The following SLC35A3 variants were observed in gnomAD, a reference collection of about 807,000 sequenced individuals.
SLC35A3 encodes UDP-N-acetylglucosamine transporter.
Under a neutral mutation model 39.0 loss-of-function variants are expected in SLC35A3, and 26 were observed. That is an observed-to-expected ratio of 0.67 (90% CI 0.49 to 0.92). The LOEUF is 0.92. Among genes scored for constraint, SLC35A3 ranks in the 40% least tolerant of loss-of-function variants. The probability of loss-of-function intolerance (pLI) is 0.00; values close to 1 mark genes in which losing one functional copy is unlikely to be tolerated. For synonymous variants in SLC35A3, 135 were observed against 133.1 expected, an observed-to-expected ratio of 1.01 and a Z score of -0.10; for missense variants, 299 against 371.6, an observed-to-expected ratio of 0.80 and a Z score of 1.61.
At chr1:99,984,983 T>G (rs1468716227) in intron 1 of SLC35A3, among the ~76,000 whole-genome samples, 1 of 152,182 alleles carries the variant, frequency 6.6e-6, no homozygotes, top group Non-Finnish European at 1.5e-5. Context: ...TTCTGGATAT[T>G]AGTTGTTTGT....
intron 1 of SLC35A3, among the ~76,000 whole-genome samples, chr1:99,988,586 T>G (rs1657884894): frequency 6.6e-6 from 1 of 151,998 alleles, no homozygotes; most frequent in Non-Finnish European, 1.5e-5. Context: ...ATGTTATTGT[T>G]TTCTTCCTTC....
At chr1:99,998,499 C>A (rs1658552521) in intron 2 of SLC35A3, among the ~76,000 whole-genome samples, 1 of 152,162 alleles carries the variant, frequency 6.6e-6, no homozygotes, top group Non-Finnish European at 1.5e-5. Context: ...CTTCTAGCAT[C>A]CACCTTCCCA....
At chr1:100,016,705 G>A (rs1410801189) in intron 6 of SLC35A3, among the ~76,000 whole-genome samples, 2 of 152,122 alleles carry the variant, frequency 1.3e-5, no homozygotes, top group African/African-American at 4.8e-5. Flanking sequence ...AGCAGAAAAG[G>A]AAACAAAGAT....
Position 100,022,389 on chromosome 1 carries a change from C to CT in SLC35A3, c.896dup (p.Leu300ProfsTer16). On this transcript the variant is annotated frameshift_variant, in exon 8 of 8. Coordinates refer to ENST00000533028, the MANE Select transcript of SLC35A3 (RefSeq NM_012243.3). LOFTEE classifies it high-confidence loss of function. ...ATTTTGTCTTCATCTTATTCAGTGTCTTTTTCCTTGGAGCCATCCTTGTAA... is the reference window on the plus strand; with the variant it reads ...ATTTTGTCTTCATCTTATTCAGTGTCTTTTTTCCTTGGAGCCATCCTTGTAA... 1 of 1,557,830 alleles carries CT rather than the reference C, an allele frequency of 6.4e-7. No homozygotes were observed. Among genetic ancestry groups the CT allele is most frequent in the Non-Finnish European group, 8.8e-7 (1 of 1,133,668 alleles).
chr1:99,997,410 T>TTATATATATATATATATATATATA (rs71970416), intron 2 of SLC35A3, among the ~76,000 whole-genome samples: 1 of 92,100 alleles, frequency 1.1e-5, no homozygotes, highest in African/African-American at 5.4e-5. Context: ...ATATATAGTT[T>TTATATATATATATATATATATATA]TATATATATA....
intron 3 of SLC35A3, among the ~76,000 whole-genome samples, chr1:100,005,979 G>A (rs1408758903): frequency 1.3e-5 from 2 of 152,150 alleles, no homozygotes; most frequent in African/African-American, 4.8e-5. Context: ...TTCCAGTTTT[G>A]TAGATAGCTT....
intron 1 of SLC35A3, among the ~76,000 whole-genome samples, chr1:99,976,979 A>G (rs902812883): frequency 1.4e-4 from 21 of 151,620 alleles, no homozygotes; most frequent in South Asian, 4.2e-4. Context: ...AAAGTTGGGG[A>G]AAAAAAAAGA....
intron 1 of SLC35A3, among the ~76,000 whole-genome samples, chr1:99,971,630 C>A (rs1656818877): frequency 6.6e-6 from 1 of 152,024 alleles, no homozygotes; most frequent in African/African-American, 2.4e-5. Flanking sequence ...TTTCTTTTTT[C>A]CTTTTATTAA....
rs143297934 is a variant in SLC35A3, at chr1:100,011,683, ATTATTTATTTATTTAT to A, written c.634+189_634+204del. ...ATGCTCTTGTCTTTTAAAACATTTT[ATTATTTATTTATTTAT>A]TTATTTATTTATTTATTTATTTATT... On this transcript the variant is annotated intron_variant, in intron 5 of 7. Coordinates refer to ENST00000533028, the MANE Select transcript of SLC35A3 (RefSeq NM_012243.3). 8,953 of 170,000 alleles carry A rather than the reference ATTATTTATTTATTTAT, an allele frequency of 0.053. 320 individuals are homozygous for A. Among genetic ancestry groups the A allele is most frequent in the African/African-American group, 0.097 (3,774 of 38,794 alleles). The allele number at this position is 170,000 out of a possible 1,614,324, so 10.5% of individuals were successfully genotyped here.
intron 2 of SLC35A3, among the ~76,000 whole-genome samples, chr1:99,996,584 A>G (rs1360035562): frequency 6.6e-6 from 1 of 152,210 alleles, no homozygotes; most frequent in Non-Finnish European, 1.5e-5. Context: ...GAATTTAAAA[A>G]TTAAAAAATA....
intron 1 of SLC35A3, among the ~76,000 whole-genome samples, chr1:99,980,699 T>C (rs1013351346): frequency 6.6e-6 from 1 of 152,096 alleles, no homozygotes; most frequent in African/African-American, 2.4e-5. Flanking sequence ...CAATGAAAAG[T>C]TGTTTAACTT....
chr1:99,981,747 C>G (rs186029382), intron 1 of SLC35A3, among the ~76,000 whole-genome samples: 2 of 152,216 alleles, frequency 1.3e-5, no homozygotes, highest in Admixed American at 1.3e-4. Context: ...TCCCAAAGTG[C>G]TGGGATTACA....
At position 100,011,579 on chromosome 1, in the gene SLC35A3, T is replaced by G. The variant is rs779896981; in HGVS notation, c.634+46T>G. 3.4e-5 allele frequency: 25 copies of G among 729,022 alleles called. No homozygotes were observed. The East Asian group carries it at 7.9e-4, about 23-fold the overall frequency. 45.2% of individuals were successfully genotyped at this position (729,022 alleles called of 1,614,324 possible). A position where few individuals can be genotyped will look rare whatever the true frequency, so the allele number is the denominator to read the frequency against. On this transcript the variant is annotated intron_variant, in intron 5 of 7. Transcript: ENST00000533028. ...AATATTATTTTAAAAATGATTATAT[T>G]GTTATATTTAAAGATTTCTATATAT...
chr1:99,986,250 G>T (rs1657735394), intron 1 of SLC35A3, among the ~76,000 whole-genome samples: 1 of 147,094 alleles, frequency 6.8e-6, no homozygotes, highest in South Asian at 2.1e-4. Flanking sequence ...CTGCAGCCTC[G>T]ACCTCCCGAG....
At chr1:99,997,218 A>G (rs1421497760) in intron 2 of SLC35A3, among the ~76,000 whole-genome samples, 2 of 151,588 alleles carry the variant, frequency 1.3e-5, no homozygotes, top group African/African-American at 2.4e-5. Flanking sequence ...ATGCAACACA[A>G]TTCTGTTCAA....
intron 5 of SLC35A3, among the ~76,000 whole-genome samples, chr1:100,015,059 G>A (rs1307463287): frequency 6.6e-6 from 1 of 151,160 alleles, no homozygotes; most frequent in African/African-American, 2.4e-5. Flanking sequence ...TCGGGAGGCT[G>A]AGGCAGGAGA....
chr1:100,027,185 C>T lies in SLC35A3; in HGVS notation c.*4709C>T. 1 of 398,630 alleles carries T rather than the reference C, an allele frequency of 2.5e-6. No homozygotes were observed. Among genetic ancestry groups the T allele is most frequent in the Non-Finnish European group, 4.4e-6 (1 of 226,082 alleles). The allele number at this position is 398,630 out of a possible 1,614,324, so 24.7% of individuals were successfully genotyped here. On this transcript the variant is annotated 3_prime_UTR_variant, in exon 8 of 8. Transcript: ENST00000533028. ...ATACTGGGTTGGCCAGGTGCAGTGG[C>T]TCATTCCTGTAATCCCAACACTTTA... is the stretch of plus-strand genomic sequence containing the variant.
intron 2 of SLC35A3, among the ~76,000 whole-genome samples, chr1:99,997,194 A>G (rs1658447336): frequency 6.6e-6 from 1 of 151,648 alleles, no homozygotes; most frequent in Non-Finnish European, 1.5e-5. Context: ...GCTTCCTTGC[A>G]GCTATGGGTA....
intron 1 of SLC35A3, among the ~76,000 whole-genome samples, chr1:99,981,688 C>T (rs1040931051): frequency 3.3e-5 from 5 of 151,870 alleles, no homozygotes; most frequent in African/African-American, 9.7e-5. Flanking sequence ...GCCATGCTGA[C>T]CAGGCTTGGC....
Sources: gnomAD v4.1 joint callset for allele counts (sites outside exome capture counted in the v4.1 genomes callset) on GRCh38, gnomAD v4.1.1 for gene constraint, MANE v1.5 for transcripts, NCBI Gene and HGNC (gene_info 2026-07-23, HGNC 2026-07-21) for gene names.